VBP1: variants seen among roughly 807,000 people sequenced by gnomAD.
VBP1 encodes the protein VHL binding protein 1.
Under a neutral mutation model 15.5 loss-of-function variants are expected in VBP1, and 4 were observed. The ratio of observed to expected loss-of-function variants is 0.26; its 90% CI spans 0.13 to 0.59. The LOEUF is 0.59. Ranked by LOEUF, VBP1 falls within the 20% of genes least tolerant of loss-of-function variation. VBP1 has a pLI of 0.90. For missense variants in VBP1, 108 were observed against 139.6 expected (o/e 0.77, Z 1.14); for synonymous variants, 61 against 52.1 (o/e 1.17, Z -0.74).
intron 1 of VBP1, among the ~76,000 whole-genome samples, chrX:155,218,892 A>G (rs2074676592): frequency 8.9e-6 from 1 of 111,978 alleles, no homozygotes; most frequent in Non-Finnish European, 1.9e-5. Flanking sequence ...CTGTCTCTTA[A>G]CCACAGCCTA....
intron 1 of VBP1, among the ~76,000 whole-genome samples, chrX:155,205,739 C>T (rs1055074325): frequency 1.8e-5 from 2 of 111,559 alleles, no homozygotes; most frequent in African/African-American, 3.3e-5. Flanking sequence ...CTCTCTGCTT[C>T]CATCTCCTGA....
At chrX:155,212,028 C>T (rs1557308572), upstream of VBP1, among the ~76,000 whole-genome samples, 1 of 111,916 alleles carries the variant, frequency 8.9e-6, no homozygotes, top group Non-Finnish European at 1.9e-5. Flanking sequence ...AATATGTGCC[C>T]AAAGCCCTAT....
chrX:155,220,746 A>G (rs1163247120), intron 2 of VBP1, among the ~76,000 whole-genome samples: 2 of 112,393 alleles, frequency 1.8e-5, no homozygotes, highest in Non-Finnish European at 3.8e-5. Flanking sequence ...ATTATTTTAT[A>G]TAGCTTATAA....
chrX:155,229,654 T>C, intron 4 of VBP1, among the ~76,000 whole-genome samples: 1 of 111,752 alleles, frequency 8.9e-6, no homozygotes, highest in Non-Finnish European at 1.9e-5. Flanking sequence ...ACTGTTCTTC[T>C]GTTTCTCTTT....
At chrX:155,204,496 C>T (rs1283984450) in intron 1 of VBP1, among the ~76,000 whole-genome samples, 1 of 111,572 alleles carries the variant, frequency 9.0e-6, no homozygotes, top group Non-Finnish European at 1.9e-5. Context: ...TATATGGTTA[C>T]AACTACGAAC....
chrX:155,220,470 G>A (rs1403215123), intron 2 of VBP1, among the ~76,000 whole-genome samples, 163 bp downstream of exon 2: 1 of 112,284 alleles, frequency 8.9e-6, no homozygotes, highest in Non-Finnish European at 1.9e-5. Context: ...AAGAGTTCCA[G>A]TTGTTCCGTA....
chrX:155,208,342 C>T (rs1230993864), intron 1 of VBP1, among the ~76,000 whole-genome samples: 4 of 112,643 alleles, frequency 3.6e-5, no homozygotes, highest in Non-Finnish European at 7.5e-5. Context: ...GTTCCACCTA[C>T]GTCCTTGACC....
intron 1 of VBP1, among the ~76,000 whole-genome samples, chrX:155,199,152 G>A (rs1004169983): frequency 9.9e-5 from 11 of 111,557 alleles, no homozygotes; most frequent in South Asian, 3.7e-4. Context: ...TGAAAGTGAC[G>A]GGGAGAATGG....
chrX:155,224,890 C>A (rs1466315970), intron 2 of VBP1, among the ~76,000 whole-genome samples: 1 of 110,944 alleles, frequency 9.0e-6, no homozygotes, highest in African/African-American at 3.3e-5. Flanking sequence ...ATATTATTTC[C>A]CTTTTTTCTG....
Position 155,216,478 on chromosome X carries a change from C to T in VBP1, c.-5C>T, listed in dbSNP as rs945239391. On this transcript the variant is annotated 5_prime_UTR_variant, in exon 1 of 6. Coordinates refer to ENST00000286428, the MANE Select transcript of VBP1 (RefSeq NM_003372.7). ...GGGAGGCAGTCGCGCGCTCGCATCC[C>T]CAAGATGGCGGCCGTTAAGGACAGT... 3.4e-6 allele frequency: 4 copies of T among 1,167,520 alleles called. No individual in the cohort carries two copies. The highest frequency in any genetic ancestry group is 1.9e-5 in the South Asian group (1 of 52,693).
At chrX:155,203,306 T>C (rs1450161445) in intron 1 of VBP1, among the ~76,000 whole-genome samples, 3 of 111,130 alleles carry the variant, frequency 2.7e-5, no homozygotes, top group East Asian at 2.8e-4. Context: ...AAGACACATG[T>C]ACACGTATGT....
chrX:155,199,869 T>A lies in VBP1; in HGVS notation c.-31+2730T>A, dbSNP rs782174923. ...GTGCTGTATTCAGGAAACCCATCTC[T>A]TGTGCAGAGACACACATAGGCTCAA... On this transcript the variant is annotated intron_variant, in intron 1 of 6. Coordinates refer to the VBP1 transcript ENST00000535916. Among the ~76,000 whole-genome samples, 41 of 110,894 alleles carry A rather than the reference T, an allele frequency of 3.7e-4. 2 individuals carry two copies. The East Asian group carries it at 8.3e-3, about 22-fold the overall frequency.
At chrX:155,237,787 A>G (rs1408048654) in intron 5 of VBP1, among the ~76,000 whole-genome samples, 1 of 112,350 alleles carries the variant, frequency 8.9e-6, no homozygotes, top group South Asian at 3.7e-4. Context: ...TGATCCTCAG[A>G]GTGTTTCTTG....
At chrX:155,238,681 T>C (rs2074785319) in intron 5 of VBP1, 91 bp from the exon 6 acceptor site, 1 of 675,732 alleles carries the variant, frequency 1.5e-6, no homozygotes, top group East Asian at 3.6e-5. Context: ...TTTCTGTGTC[T>C]TTGATTCATT....
Position 155,218,718 on chromosome X carries a change from C to T in VBP1, c.94-1465C>T, listed in dbSNP as rs782354049. On this transcript the variant is annotated intron_variant, in intron 1 of 5. Transcript: ENST00000286428. The stretch of plus-strand genomic sequence containing the variant: ...CACATTATGCTATACATAGGTGTCA[C>T]GTACTCTTATAAGCGTTTCACATAT... Among the ~76,000 whole-genome samples the T allele has an allele frequency of 9.8e-5, 11 of 111,762 alleles. No homozygotes were observed. In the South Asian group the frequency reaches 3.7e-3, roughly 38 times the overall value.
At chrX:155,197,875 C>T (rs181062932) in intron 1 of VBP1, among the ~76,000 whole-genome samples, 157 of 112,381 alleles carry the variant, frequency 1.4e-3, no homozygotes, top group African/African-American at 2.1e-3. Context: ...GGGTGACAGA[C>T]GGCACCTGGA....
chrX:155,230,475 C>T (rs1238194681), intron 4 of VBP1, among the ~76,000 whole-genome samples: 1 of 110,980 alleles, frequency 9.0e-6, no homozygotes, highest in Non-Finnish European at 1.9e-5. Flanking sequence ...ATAATAATAC[C>T]CTAATTCACT....
At chrX:155,201,892 A>G (rs80242675) in intron 1 of VBP1, among the ~76,000 whole-genome samples, 20 of 111,465 alleles carry the variant, frequency 1.8e-4, no homozygotes, top group Non-Finnish European at 2.6e-4. Flanking sequence ...TCCTTAAGCT[A>G]ATAAGTAACT....
chrX:155,233,916 T>C, intron 4 of VBP1, among the ~76,000 whole-genome samples: 1 of 110,448 alleles, frequency 9.1e-6, no homozygotes, highest in East Asian at 2.8e-4. Context: ...ATCAGAAAAC[T>C]GCATAAAGCA....
Sources: allele counts gnomAD v4.1 joint callset (sites outside exome capture counted in the v4.1 genomes callset), GRCh38; gene constraint gnomAD v4.1.1; transcripts MANE v1.5; gene names NCBI Gene and HGNC (gene_info 2026-07-23, HGNC 2026-07-21).